Variants in SIPA1L3 observed in about 807,000 individuals in gnomAD.
The protein encoded by SIPA1L3 is signal induced proliferation associated 1 like 3.
SIPA1L3 carries 59 observed loss-of-function variants against 150.1 expected under a neutral mutation model. The observed-to-expected ratio is 0.39, with a 90% CI of 0.32 to 0.49. The LOEUF (loss-of-function observed/expected upper bound fraction) is 0.49. Ranked by LOEUF, SIPA1L3 falls within the 20% of genes least tolerant of loss-of-function variation. The pLI is 0.86. For synonymous variants in SIPA1L3, 1,070 were observed against 1,077.6 expected, an observed-to-expected ratio of 0.99 and a Z score of 0.14; for missense variants, 2,211 against 2,489.5, an observed-to-expected ratio of 0.89 and a Z score of 2.38.
intron 15 of SIPA1L3, among the ~76,000 whole-genome samples, chr19:38,181,536 C>T (rs112069344): frequency 1.3e-5 from 2 of 151,706 alleles, no homozygotes; most frequent in African/African-American, 2.4e-5. Flanking sequence ...TATACACATG[C>T]GTATGTTTTT....
At chr19:38,185,509 C>T (rs117236506) in intron 16 of SIPA1L3, 2,856 of 152,182 alleles carry the variant, frequency 0.019, 49 homozygotes, top group Non-Finnish European at 0.029. Context: ...CTGGGGCAGC[C>T]GCAACAAACT....
chr19:38,005,071 C>A (rs1172044517), intron 1 of SIPA1L3, among the ~76,000 whole-genome samples: 3 of 152,138 alleles, frequency 2.0e-5, no homozygotes, highest in African/African-American at 7.2e-5. Context: ...TTTTGACAGG[C>A]TCAGCTGAGT....
At chr19:38,038,573 A>G (rs1599938860) in intron 2 of SIPA1L3, among the ~76,000 whole-genome samples, 1 of 135,506 alleles carries the variant, frequency 7.4e-6, no homozygotes, top group South Asian at 2.4e-4. Flanking sequence ...CCTGGGTGAC[A>G]GCGAGACTCC....
intron 21 of SIPA1L3, 97 bp downstream of exon 21, chr19:38,204,305 AC>A (rs148202998): frequency 0.023 from 20,756 of 900,946 alleles, 1,199 homozygotes; most frequent in African/African-American, 0.14. Flanking sequence ...TGCAGGACCC[AC>A]CCCACCCCCA....
intron 15 of SIPA1L3, among the ~76,000 whole-genome samples, chr19:38,171,029 CTATGTATA>C: frequency 6.6e-6 from 1 of 151,814 alleles, no homozygotes; most frequent in East Asian, 1.9e-4. Flanking sequence ...ATATATACAA[CTATGTATA>C]TATACACACA....
At chr19:38,001,584 C>T (rs958053444) in intron 1 of SIPA1L3, among the ~76,000 whole-genome samples, 2 of 152,106 alleles carry the variant, frequency 1.3e-5, no homozygotes, top group East Asian at 3.9e-4. Flanking sequence ...TGCCACCATG[C>T]CTGGTTAATG....
chr19:38,011,942 A>G (rs1444908970), intron 1 of SIPA1L3, among the ~76,000 whole-genome samples: 1 of 152,096 alleles, frequency 6.6e-6, no homozygotes, highest in Non-Finnish European at 1.5e-5. Context: ...GAGTTTGCTG[A>G]TGGCCTTGCT....
At chr19:38,122,342 C>T (rs1343463482) in intron 9 of SIPA1L3, among the ~76,000 whole-genome samples, 1 of 152,202 alleles carries the variant, frequency 6.6e-6, no homozygotes, top group Non-Finnish European at 1.5e-5. Flanking sequence ...TCGACTCCAT[C>T]CCTCCATTTG....
At chr19:38,040,463 T>C (rs1968891521) in intron 2 of SIPA1L3, among the ~76,000 whole-genome samples, 1 of 152,172 alleles carries the variant, frequency 6.6e-6, no homozygotes, top group Non-Finnish European at 1.5e-5. Context: ...TAAGGACAGT[T>C]ACTGAACATG....
At chr19:37,954,167 T>C (rs1249307564) in intron 1 of SIPA1L3, among the ~76,000 whole-genome samples, 1 of 152,202 alleles carries the variant, frequency 6.6e-6, no homozygotes, top group Non-Finnish European at 1.5e-5. Context: ...GAATTTTTTC[T>C]TGGTGGATCT....
At chr19:38,061,600 C>T (rs1969447038) in intron 2 of SIPA1L3, among the ~76,000 whole-genome samples, 1 of 151,906 alleles carries the variant, frequency 6.6e-6, no homozygotes, top group Admixed American at 6.6e-5. Flanking sequence ...TAGAGAAAAA[C>T]AGAATGAGAG....
chr19:37,942,839 G>A (rs993849299), intron 1 of SIPA1L3, among the ~76,000 whole-genome samples: 8 of 152,036 alleles, frequency 5.3e-5, no homozygotes, highest in Admixed American at 1.3e-4. Context: ...GGATTTTGTG[G>A]TAGTAAGGAT....
In SIPA1L3 at chr19:38,046,685, G is replaced by C. The variant is rs994122780; in HGVS notation, c.-311+17529G>C. Among the ~76,000 whole-genome samples, 1 of 152,160 alleles carries C rather than the reference G, an allele frequency of 6.6e-6. No individual in the cohort carries two copies. Among genetic ancestry groups the C allele is most frequent in the Middle Eastern group, 3.2e-3 (1 of 316 alleles). On this transcript the variant is annotated intron_variant, in intron 2 of 21. Transcript: ENST00000222345. This position sits in a 1 kb window ranked among gnomAD's most constrained non-coding sequence, Gnocchi z 5.6. Reference sequence around the variant, plus strand: ...GCCTGGGGATGCTGCTGGATTTTCCGGGTGTGGAGGGGCCCAGGTCCCCCG... The same window carrying C: ...GCCTGGGGATGCTGCTGGATTTTCCCGGTGTGGAGGGGCCCAGGTCCCCCG...
chr19:38,163,018 G>A (rs1157753031), intron 14 of SIPA1L3, among the ~76,000 whole-genome samples: 1 of 152,178 alleles, frequency 6.6e-6, no homozygotes, highest in Non-Finnish European at 1.5e-5. Flanking sequence ...GAGATGGTTT[G>A]CAGGGGCTCT....
intron 1 of SIPA1L3, among the ~76,000 whole-genome samples, chr19:38,026,389 G>A (rs576773295): frequency 1.6e-4 from 25 of 152,204 alleles, no homozygotes; most frequent in African/African-American, 3.9e-4. Flanking sequence ...GGGTCACCCC[G>A]GGCCATCTCT....
chr19:38,034,891 T>C (rs1968744656), intron 2 of SIPA1L3, among the ~76,000 whole-genome samples: 1 of 152,184 alleles, frequency 6.6e-6, no homozygotes, highest in African/African-American at 2.4e-5. Flanking sequence ...CGCACACATT[T>C]GATATGCGCC....
rs150630696 is a variant in SIPA1L3 at position 38,119,432 on chromosome 19, C to T, written c.2418C>T (p.Ala806=). ...LLAKVINAEN[A]AHKSDKFHTM... is the part of the protein sequence containing the mutation. ...CCAAGGTGATTAACGCTGAGAACGCCGCGCACAAGTCCGACAAGTTCCACA... is the reference window on the plus strand; with the variant it reads ...CCAAGGTGATTAACGCTGAGAACGCTGCGCACAAGTCCGACAAGTTCCACA... The change falls in exon 9 of 22, where the codon GCC becomes GCT. Residue 806 remains alanine (A), a synonymous_variant. Coordinates refer to ENST00000222345, the MANE Select transcript of SIPA1L3 (RefSeq NM_015073.3). 3.2e-5 allele frequency: 51 copies of T among 1,614,038 alleles called. No individual in the cohort carries two copies. Among genetic ancestry groups the T allele is most frequent in the East Asian group, 4.5e-5 (2 of 44,892 alleles).
At chr19:38,056,476 A>G (rs2145770916) in intron 2 of SIPA1L3, among the ~76,000 whole-genome samples, 1 of 152,206 alleles carries the variant, frequency 6.6e-6, no homozygotes, top group East Asian at 1.9e-4. Context: ...CTTCCATGCC[A>G]TCTTCCTTGG....
At chr19:37,944,890 G>A (rs1438741581) in intron 1 of SIPA1L3, among the ~76,000 whole-genome samples, 1 of 152,100 alleles carries the variant, frequency 6.6e-6, no homozygotes, top group African/African-American at 2.4e-5. Flanking sequence ...GCGGAGGTTG[G>A]AGTAAGCCGA....
Sources: gnomAD v4.1 joint callset for allele counts (sites outside exome capture counted in the v4.1 genomes callset) on GRCh38, gnomAD v4.1.1 for gene constraint, Gnocchi (gnomAD v3.1) non-coding constraint, MANE v1.5 for transcripts, NCBI Gene and HGNC (gene_info 2026-07-23, HGNC 2026-07-21) for gene names.